The following CUX1 variants were observed in gnomAD, a reference collection of about 807,000 sequenced individuals.
The protein encoded by CUX1 is protein CASP.
A neutral mutation model predicts 158.8 loss-of-function variants in CUX1; 31 were observed. That is an observed-to-expected ratio of 0.20 (90% confidence interval 0.15 to 0.26). The LOEUF (loss-of-function observed/expected upper bound fraction) is 0.26. Among genes scored for constraint, CUX1 ranks in the 10% least tolerant of loss-of-function variants. The pLI, the probability that CUX1 is intolerant of heterozygous loss-of-function variation, is 1.00. For synonymous variants in CUX1, 879 were observed against 862.1 expected (o/e 1.02, Z -0.34); for missense variants, 1,589 against 2,014.6 (o/e 0.79, Z 4.04).
At chr7:101,889,903 C>G (rs535856650) in intron 1 of CUX1, among the ~76,000 whole-genome samples, 1 of 152,226 alleles carries the variant, frequency 6.6e-6, no homozygotes, top group Non-Finnish European at 1.5e-5. Flanking sequence ...GAAACTCTCT[C>G]GCGATCCCAG....
chr7:101,825,481 C>T (rs1371494356), intron 1 of CUX1, among the ~76,000 whole-genome samples: 1 of 152,124 alleles, frequency 6.6e-6, no homozygotes, highest in African/African-American at 2.4e-5. Flanking sequence ...AGCTGTGCTG[C>T]GGAATCGTAA....
chr7:101,911,442 A>G (rs1803452184), intron 1 of CUX1, among the ~76,000 whole-genome samples: 1 of 149,298 alleles, frequency 6.7e-6, no homozygotes, highest in Admixed American at 6.6e-5. Flanking sequence ...TTGGTCCTGC[A>G]GTAGACAACC....
intron 2 of CUX1, among the ~76,000 whole-genome samples, chr7:101,930,403 A>G (rs1051953254): frequency 1.3e-5 from 2 of 152,172 alleles, no homozygotes; most frequent in African/African-American, 4.8e-5. Context: ...CCACTTTGAG[A>G]TTATGTCAGT....
intron 2 of CUX1, among the ~76,000 whole-genome samples, chr7:101,945,537 C>G (rs367892161): frequency 6.6e-6 from 1 of 152,136 alleles, no homozygotes; most frequent in Non-Finnish European, 1.5e-5. Flanking sequence ...TCCCAGGTGC[C>G]GGGGAGGCAG....
intron 20 of CUX1, among the ~76,000 whole-genome samples, chr7:102,206,965 A>T (rs1461539788): frequency 6.6e-6 from 1 of 152,194 alleles, no homozygotes; most frequent in African/African-American, 2.4e-5. Flanking sequence ...CCTGCTAATG[A>T]TCGATGCCAG....
At chr7:101,822,794 G>A (rs924112399) in intron 1 of CUX1, among the ~76,000 whole-genome samples, 6 of 151,750 alleles carry the variant, frequency 4.0e-5, no homozygotes, top group Non-Finnish European at 7.4e-5. Flanking sequence ...CCAGATACTC[G>A]GCAGGCTGAG....
intron 2 of CUX1, among the ~76,000 whole-genome samples, chr7:101,940,577 A>G (rs186365236): frequency 1.3e-3 from 203 of 152,126 alleles, no homozygotes; most frequent in South Asian, 6.6e-3. Context: ...ATATATATAT[A>G]TGTGTGTGTG....
intron 4 of CUX1, among the ~76,000 whole-genome samples, chr7:102,079,332 G>A (rs188828725): frequency 6.6e-6 from 1 of 152,120 alleles, no homozygotes; most frequent in Non-Finnish European, 1.5e-5. Context: ...CAGCTACTCG[G>A]GATGCTGAGT....
chr7:102,058,840 C>T (rs889969720), intron 3 of CUX1, among the ~76,000 whole-genome samples: 1 of 152,166 alleles, frequency 6.6e-6, no homozygotes, highest in African/African-American at 2.4e-5. Context: ...GGAGCATTAC[C>T]CCATCTTAAA....
intron 1 of CUX1, among the ~76,000 whole-genome samples, chr7:101,874,986 C>T (rs1009917804): frequency 2.6e-5 from 4 of 152,142 alleles, no homozygotes; most frequent in South Asian, 2.1e-4. Flanking sequence ...ACCCACCGCG[C>T]GCTGGCCGCA....
intron 8 of CUX1, among the ~76,000 whole-genome samples, chr7:102,139,787 T>C (rs1207405340): frequency 6.6e-6 from 1 of 151,842 alleles, no homozygotes; most frequent in African/African-American, 2.4e-5. Context: ...AAGTGGCTGG[T>C]TCTACAGGGG....
chr7:101,945,066 C>T (rs1808210662), intron 2 of CUX1, among the ~76,000 whole-genome samples: 1 of 152,180 alleles, frequency 6.6e-6, no homozygotes, highest in Admixed American at 6.5e-5. Flanking sequence ...ACCTCCCAAG[C>T]CCACTCTGGG....
At chr7:101,847,926 C>T (rs1050346121) in intron 1 of CUX1, among the ~76,000 whole-genome samples, 1 of 151,576 alleles carries the variant, frequency 6.6e-6, no homozygotes, top group South Asian at 2.1e-4. Flanking sequence ...GGCATGATGG[C>T]GGGTGCCTGT....
intron 20 of CUX1, among the ~76,000 whole-genome samples, chr7:102,218,357 C>T (rs1243812893): frequency 6.6e-6 from 1 of 152,184 alleles, no homozygotes; most frequent in African/African-American, 2.4e-5. Context: ...ATACAAATCA[C>T]ACAAGTTAAA....
At chr7:102,274,279 G>C in exon 16 of CUX1, 1 of 1,613,676 alleles carries the variant, frequency 6.2e-7, no homozygotes, top group South Asian at 1.1e-5. Flanking sequence ...AGATCCCAGA[G>C]CCCATCAAAG....
intron 9 of CUX1, among the ~76,000 whole-genome samples, chr7:102,161,713 C>A (rs782157734): frequency 6.6e-6 from 1 of 152,112 alleles, no homozygotes; most frequent in African/African-American, 2.4e-5. Flanking sequence ...TGGGTTCAGG[C>A]AATTCTCCTG....
intron 20 of CUX1, among the ~76,000 whole-genome samples, chr7:102,218,877 G>GC (rs1367761060): frequency 7.9e-4 from 119 of 151,554 alleles, no homozygotes; most frequent in African/African-American, 2.7e-3. Flanking sequence ...ACATAGTGAG[G>GC]CCCCCCATCT....
At chr7:101,953,668 C>G (rs1809386510) in intron 2 of CUX1, among the ~76,000 whole-genome samples, 1 of 151,948 alleles carries the variant, frequency 6.6e-6, no homozygotes. Flanking sequence ...CTTTACCTCA[C>G]GTACCAAATA....
chr7:102,216,024 C>T (rs1303646384), intron 20 of CUX1, among the ~76,000 whole-genome samples: 2 of 152,256 alleles, frequency 1.3e-5, no homozygotes, highest in Non-Finnish European at 2.9e-5. Flanking sequence ...GACCTCCTGC[C>T]TGGGCACAGT....
Sources: gnomAD v4.1 joint callset for allele counts (sites outside exome capture counted in the v4.1 genomes callset) on GRCh38, gnomAD v4.1.1 for gene constraint, MANE v1.5 for transcripts, NCBI Gene and HGNC (gene_info 2026-07-23, HGNC 2026-07-21) for gene names.